NFIB: variants seen among roughly 807,000 people sequenced by gnomAD.
NFIB encodes nuclear factor 1 B-type.
Under a neutral mutation model 61.5 loss-of-function variants are expected in NFIB, and 11 were observed. The observed-to-expected ratio is 0.18, with a 90% CI of 0.11 to 0.30. NFIB has a LOEUF of 0.30. Among genes scored for constraint, NFIB ranks in the 10% least tolerant of loss-of-function variants. NFIB has a pLI of 1.00. For synonymous variants in NFIB, 260 were observed against 216.5 expected (o/e 1.20, Z -1.76); for missense variants, 471 against 608.9 (o/e 0.77, Z 2.38).
intron 2 of NFIB, among the ~76,000 whole-genome samples, chr9:14,210,624 T>G (rs10756541): frequency 0.36 from 54,963 of 151,646 alleles, 10,319 homozygotes; most frequent in South Asian, 0.56. Flanking sequence ...GTCAATTACT[T>G]CTGATGGTTA....
intron 10 of NFIB, among the ~76,000 whole-genome samples, chr9:14,110,661 C>T (rs2118996257): frequency 6.6e-6 from 1 of 152,176 alleles, no homozygotes; most frequent in Non-Finnish European, 1.5e-5. Context: ...AAAGAATAAT[C>T]TTTACTGAAG....
In NFIB at chr9:14,155,794, T is replaced by A; in HGVS notation, c.685+31A>T. The A allele has an allele frequency of 1.5e-6, 2 of 1,351,858 alleles. 1 individual carries two copies. The highest frequency in any genetic ancestry group is 2.6e-5 in the South Asian group (2 of 77,758). 83.7% of individuals were successfully genotyped at this position (1,351,858 alleles called of 1,614,324 possible). A position where few individuals can be genotyped will look rare whatever the true frequency, so the allele number is the denominator to read the frequency against. On this transcript the variant is annotated intron_variant, in intron 4 of 10. Coordinates refer to ENST00000380953, the MANE Select transcript of NFIB (RefSeq NM_001190737.2). Reference sequence around the variant, plus strand: ...ATAAAGTATTTTAAATCATACTGCATGCTTAAGTAGTAACAAAACAATTTA... The same window carrying A: ...ATAAAGTATTTTAAATCATACTGCAAGCTTAAGTAGTAACAAAACAATTTA...
At chr9:14,278,168 T>C (rs577313539) in intron 2 of NFIB, among the ~76,000 whole-genome samples, 2 of 152,208 alleles carry the variant, frequency 1.3e-5, no homozygotes, top group Non-Finnish European at 2.9e-5. Context: ...TCATTATAAT[T>C]GGCAGTCCCT....
intron 2 of NFIB, among the ~76,000 whole-genome samples, chr9:14,242,730 TTA>T (rs2054487646): frequency 6.6e-6 from 1 of 152,184 alleles, no homozygotes; most frequent in African/African-American, 2.4e-5. Context: ...AGCAATTATT[TTA>T]TATCAGTCAA....
the NFIB span, among the ~76,000 whole-genome samples, chr9:14,421,876 T>C: frequency 6.6e-6 from 1 of 152,220 alleles, no homozygotes; most frequent in African/African-American, 2.4e-5. Context: ...TTAATAGATA[T>C]TCAGGACTCC....
intron 1 of NFIB, among the ~76,000 whole-genome samples, chr9:14,310,025 T>C (rs145518519): frequency 9.2e-5 from 14 of 152,352 alleles, no homozygotes; most frequent in African/African-American, 3.1e-4. Flanking sequence ...CAGTGACATT[T>C]CATTTTCTTA....
the NFIB span, among the ~76,000 whole-genome samples, chr9:14,437,559 G>A: frequency 3.3e-5 from 5 of 152,222 alleles, no homozygotes; most frequent in Non-Finnish European, 7.3e-5. Context: ...CCACGTGAGA[G>A]AGCCTGGCTT....
the NFIB span, among the ~76,000 whole-genome samples, chr9:14,467,526 G>A: frequency 1.1e-3 from 170 of 152,216 alleles, no homozygotes; most frequent in African/African-American, 3.9e-3. Flanking sequence ...CTGGGGTGAA[G>A]GGATATCCTT....
At chr9:14,278,837 G>T (rs1392050790) in intron 2 of NFIB, among the ~76,000 whole-genome samples, 1 of 152,062 alleles carries the variant, frequency 6.6e-6, no homozygotes, top group Non-Finnish European at 1.5e-5. Flanking sequence ...TCCAGCAGTA[G>T]AACTTCACGC....
At chr9:14,456,207 G>A in the NFIB span, among the ~76,000 whole-genome samples, 2 of 97,088 alleles carry the variant, frequency 2.1e-5, no homozygotes, top group Non-Finnish European at 4.5e-5. Context: ...TAACTACTTG[G>A]CATTTTTTTT....
At chr9:14,129,083 C>T (rs948370616) in intron 6 of NFIB, among the ~76,000 whole-genome samples, 3 of 151,814 alleles carry the variant, frequency 2.0e-5, no homozygotes, top group Non-Finnish European at 2.9e-5. Flanking sequence ...TTATACAGAC[C>T]AACACAGAAG....
At chr9:14,444,624 G>A in the NFIB span, among the ~76,000 whole-genome samples, 2 of 152,034 alleles carry the variant, frequency 1.3e-5, no homozygotes, top group Non-Finnish European at 2.9e-5. Context: ...AAAAGAAAAC[G>A]CAAGTCTTAC....
the NFIB span, among the ~76,000 whole-genome samples, chr9:14,511,399 T>C: frequency 6.6e-6 from 1 of 152,132 alleles, no homozygotes; most frequent in Non-Finnish European, 1.5e-5. Context: ...TTTATGTTTA[T>C]ATAATTTTAA....
In NFIB at chr9:14,320,995, T is replaced by G. The variant is rs966093062; in HGVS notation, c.109-13475A>C. ...TGTCCTGTCTCAAGTTCAGTGGCAG[T>G]TCTTCCAACCCGAGCAGAAGATGGC... is the stretch of plus-strand genomic sequence containing the variant. On this transcript the variant is annotated intron_variant, in intron 1 of 8. Transcript: ENST00000380934. Among the ~76,000 whole-genome samples, 11 of 152,120 alleles carry G rather than the reference T, an allele frequency of 7.2e-5. No homozygotes were observed. In the South Asian group the frequency reaches 2.3e-3, roughly 32 times the overall value.
At chr9:14,322,160 C>A (rs1340536335) in intron 1 of NFIB, 1 of 1,203,728 alleles carries the variant, frequency 8.3e-7, no homozygotes, top group Non-Finnish European at 1.0e-6. Context: ...TGCCACAGTT[C>A]TTGGCCCGAG....
intron 6 of NFIB, among the ~76,000 whole-genome samples, chr9:14,141,902 C>CAAAAAAAAAAAAA (rs1207435536): frequency 5.2e-4 from 28 of 53,570 alleles, no homozygotes; most frequent in African/African-American, 1.9e-3. Flanking sequence ...CTGCTGCTCA[C>CAAAAAAAAAAAAA]AAAAAAAAAA....
chr9:14,256,104 G>T (rs977418936), intron 2 of NFIB, among the ~76,000 whole-genome samples: 1 of 152,192 alleles, frequency 6.6e-6, no homozygotes, highest in African/African-American at 2.4e-5. Context: ...ATTTTATGCA[G>T]CTTCTGTTTT....
At chr9:14,471,501 G>A in the NFIB span, among the ~76,000 whole-genome samples, 1 of 152,234 alleles carries the variant, frequency 6.6e-6, no homozygotes, top group Non-Finnish European at 1.5e-5. Flanking sequence ...GGAAAAGAAA[G>A]ACTACATTTG....
intron 2 of NFIB, among the ~76,000 whole-genome samples, chr9:14,235,691 G>C (rs185909372): frequency 1.3e-5 from 2 of 152,162 alleles, no homozygotes; most frequent in African/African-American, 4.8e-5. Flanking sequence ...TTACAATTAG[G>C]TGCTAAATCA....
Sources: gnomAD v4.1 joint callset for allele counts (sites outside exome capture counted in the v4.1 genomes callset) on GRCh38, gnomAD v4.1.1 for gene constraint, MANE v1.5 for transcripts, NCBI Gene and HGNC (gene_info 2026-07-23, HGNC 2026-07-21) for gene names.